PRIM2: variants seen among roughly 807,000 people sequenced by gnomAD.
The protein encoded by PRIM2 is DNA primase large subunit.
In PRIM2, 39 loss-of-function variants were observed where a neutral mutation model predicts 67.3. The observed-to-expected ratio is 0.58, with a 90% confidence interval of 0.45 to 0.76. The LOEUF is 0.76. Ranked by LOEUF, PRIM2 falls within the 30% of genes least tolerant of loss-of-function variation. The pLI, the probability that PRIM2 is intolerant of heterozygous loss-of-function variation, is 0.00. For missense variants in PRIM2, 398 were observed against 598.7 expected, an observed-to-expected ratio of 0.66 and a Z score of 3.50; for synonymous variants, 143 against 198.7, an observed-to-expected ratio of 0.72 and a Z score of 2.36.
intron 5 of PRIM2, among the ~76,000 whole-genome samples, chr6:57,355,505 T>C (rs1486840831): frequency 2.0e-5 from 3 of 152,172 alleles, no homozygotes; most frequent in Admixed American, 2.0e-4. Context: ...AACAAGAATT[T>C]GGATCCAGGC....
intron 7 of PRIM2, among the ~76,000 whole-genome samples, chr6:57,480,749 C>T (rs1255919636): frequency 3.9e-5 from 6 of 152,146 alleles, no homozygotes; most frequent in Admixed American, 1.3e-4. Context: ...CTTTCTCAGC[C>T]TCCCGAGTAG....
At chr6:57,462,515 G>A (rs73752231) in intron 7 of PRIM2, among the ~76,000 whole-genome samples, 1 of 152,214 alleles carries the variant, frequency 6.6e-6, no homozygotes. Flanking sequence ...ATCCTTTCAT[G>A]TGTCTGGCCT....
intron 8 of PRIM2, among the ~76,000 whole-genome samples, chr6:57,519,829 G>A (rs1554348700): frequency 1.3e-5 from 2 of 152,128 alleles, no homozygotes; most frequent in Non-Finnish European, 2.9e-5. Context: ...AAAGACAGGC[G>A]TAAGAAATTA....
At chr6:57,637,280 A>T (rs1777138061) in intron 13 of PRIM2, among the ~76,000 whole-genome samples, 2 of 152,226 alleles carry the variant, frequency 1.3e-5, no homozygotes. Flanking sequence ...CCAAAGGTAG[A>T]TAAATCACAA....
intron 5 of PRIM2, among the ~76,000 whole-genome samples, chr6:57,335,601 G>C (rs1369137085): frequency 6.6e-6 from 1 of 152,172 alleles, no homozygotes; most frequent in Admixed American, 6.5e-5. Context: ...AGCAGGGGCA[G>C]ACTGACACCT....
At chr6:57,601,836 T>A (rs1365555982) in intron 11 of PRIM2, among the ~76,000 whole-genome samples, 21 of 152,190 alleles carry the variant, frequency 1.4e-4, no homozygotes, top group African/African-American at 5.1e-4. Context: ...TACTACAGTA[T>A]GTGTCAAAAC....
intron 7 of PRIM2, among the ~76,000 whole-genome samples, chr6:57,450,706 G>A (rs1209166534): frequency 1.3e-5 from 2 of 152,186 alleles, no homozygotes; most frequent in African/African-American, 4.8e-5. Context: ...AATGCATGCA[G>A]TAAGTGATTT....
chr6:57,604,144 T>A lies in PRIM2; in HGVS notation c.1148-2231T>A, dbSNP rs1266827075. Among the ~76,000 whole-genome samples the A allele has an allele frequency of 2.0e-5, 3 of 152,092 alleles. No individual in the cohort carries two copies. In the South Asian group the frequency reaches 6.2e-4, roughly 32 times the overall value. ...CAACATGGTGAAACCTCATTTCTAC[T>A]AAAATTAAAAAGCAAAACAAAAATT... On this transcript the variant is annotated intron_variant, in intron 11 of 13. Transcript: ENST00000615550.
chr6:57,397,088 A>G (rs1770540922), intron 7 of PRIM2, among the ~76,000 whole-genome samples: 1 of 152,168 alleles, frequency 6.6e-6, no homozygotes, highest in East Asian at 1.9e-4. Context: ...TCTGTCTCAC[A>G]GCTCTTAGGA....
the PRIM2 span, chr6:57,222,251 G>C: frequency 6.6e-6 from 1 of 152,610 alleles, no homozygotes. Context: ...GCCGGGGGTG[G>C]TGGGGCGCGG....
intron 5 of PRIM2, among the ~76,000 whole-genome samples, chr6:57,376,295 C>T (rs1483811834): frequency 6.6e-6 from 1 of 152,102 alleles, no homozygotes; most frequent in Non-Finnish European, 1.5e-5. Context: ...ATTACAGATG[C>T]CAACTCCCAT....
At chr6:57,431,876 G>T (rs1279972605) in intron 7 of PRIM2, among the ~76,000 whole-genome samples, 1 of 152,086 alleles carries the variant, frequency 6.6e-6, no homozygotes, top group Non-Finnish European at 1.5e-5. Context: ...CTGTGTATGT[G>T]TGTGTATGTT....
At chr6:57,495,105 C>T (rs1773975851) in intron 7 of PRIM2, among the ~76,000 whole-genome samples, 1 of 152,108 alleles carries the variant, frequency 6.6e-6, no homozygotes. Flanking sequence ...AAGTTAGTCA[C>T]ATAGTTTAAG....
intron 10 of PRIM2, among the ~76,000 whole-genome samples, chr6:57,585,336 T>C (rs1425357894): frequency 6.6e-6 from 1 of 152,250 alleles, no homozygotes; most frequent in Non-Finnish European, 1.5e-5. Flanking sequence ...AGCTGTACAT[T>C]ACAGTAGTTA....
chr6:57,467,369 T>C (rs1279229744), intron 7 of PRIM2, among the ~76,000 whole-genome samples: 1 of 152,078 alleles, frequency 6.6e-6, no homozygotes, highest in Admixed American at 6.5e-5. Context: ...TCAACACTAT[T>C]TTTTAAATAG....
chr6:57,497,350 C>A (rs1283289948), intron 7 of PRIM2: 2 of 152,078 alleles, frequency 1.3e-5, no homozygotes, highest in African/African-American at 4.8e-5. Flanking sequence ...CTCTTAATAT[C>A]TTTTTTCCCC....
chr6:57,439,405 T>G (rs35031488), intron 7 of PRIM2, among the ~76,000 whole-genome samples: 4 of 23,830 alleles, frequency 1.7e-4, no homozygotes, highest in Non-Finnish European at 3.1e-4. Flanking sequence ...AGGTACTCTG[T>G]TTTTTTTTTT....
intron 13 of PRIM2, among the ~76,000 whole-genome samples, chr6:57,632,846 C>CA (rs1415593624): frequency 1.3e-5 from 2 of 152,210 alleles, no homozygotes; most frequent in East Asian, 3.8e-4. Context: ...ATCTGCATGG[C>CA]AAAACCTAGA....
intron 5 of PRIM2, among the ~76,000 whole-genome samples, chr6:57,352,577 T>C (rs1198521668): frequency 6.6e-6 from 1 of 152,166 alleles, no homozygotes; most frequent in East Asian, 1.9e-4. Flanking sequence ...CTCTAAGATG[T>C]AGACTTTACC....
Sources: allele counts gnomAD v4.1 joint callset (sites outside exome capture counted in the v4.1 genomes callset), GRCh38; gene constraint gnomAD v4.1.1; transcripts MANE v1.5; gene names NCBI Gene and HGNC (gene_info 2026-07-23, HGNC 2026-07-21).